Variants in NFKBID observed in about 807,000 individuals in gnomAD.
NFKBID encodes the protein NF-kappa-B inhibitor delta.
In NFKBID, 26 loss-of-function variants were observed where a neutral mutation model predicts 53.4. The ratio of observed to expected loss-of-function variants is 0.49; its 90% confidence interval spans 0.36 to 0.68. The LOEUF (loss-of-function observed/expected upper bound fraction) is 0.68, where lower values mean the gene tolerates loss of function less well. Ranked by LOEUF, NFKBID falls within the 30% of genes least tolerant of loss-of-function variation. The probability of loss-of-function intolerance (pLI) is 0.00; values close to 1 mark genes in which losing one functional copy is unlikely to be tolerated. For synonymous variants in NFKBID, 262 were observed against 259.8 expected (o/e 1.01, Z -0.08); for missense variants, 493 against 614.1 (o/e 0.80, Z 2.08).
chr19:35,897,784 T>C (rs1389695343), exon 4 of NFKBID: 1 of 1,605,310 alleles, frequency 6.2e-7, no homozygotes, highest in African/African-American at 1.3e-5. Flanking sequence ...CGTGTTGGGG[T>C]CCCAGTCTGG....
upstream of NFKBID, chr19:35,901,759 C>T (rs560765407): frequency 2.7e-4 from 46 of 170,422 alleles, no homozygotes; most frequent in East Asian, 5.2e-3. Context: ...TTTGTAGAGA[C>T]GGGGTTTCAC....
At chr19:35,901,854 G>C (rs1447046689), upstream of NFKBID, 1 of 341,676 alleles carries the variant, frequency 2.9e-6, no homozygotes, top group Non-Finnish European at 5.5e-6. Flanking sequence ...AGCCACTGCG[G>C]TGGCCTCTCC....
At chr19:35,888,236 C>T (rs978400594), downstream of NFKBID, 24 of 298,358 alleles carry the variant, frequency 8.0e-5, 1 homozygote, top group Admixed American at 2.5e-4. Context: ...TTTCTGGGAA[C>T]GAAGAGCTGA....
At chr19:35,891,728 G>C (rs1273109255) in intron 9 of NFKBID, among the ~76,000 whole-genome samples, 1 of 152,006 alleles carries the variant, frequency 6.6e-6, no homozygotes, top group Non-Finnish European at 1.5e-5. Context: ...TTAGCCAGGC[G>C]TGGTGGCACA....
At chr19:35,897,855 G>A (rs1190304409) in exon 4 of NFKBID, 1 of 1,542,988 alleles carries the variant, frequency 6.5e-7, no homozygotes, top group Non-Finnish European at 8.7e-7. Context: ...AGGGAGGGTG[G>A]CCTGCGTGTA....
rs1435461050 is a variant in NFKBID, at chr19:35,888,857, C to T, written c.1315-245G>A. Among the ~76,000 whole-genome samples, 7 of 152,084 alleles carry T rather than the reference C, an allele frequency of 4.6e-5. No individual in the cohort carries two copies. In the East Asian group the frequency reaches 1.3e-3, roughly 29 times the overall value. On this transcript the variant is annotated intron_variant, in intron 11 of 11. Coordinates refer to ENST00000641389, the Ensembl canonical transcript of NFKBID. Reference sequence around the variant, plus strand: ...GGTCAGGAGTTCAAGACCAGCCCAGCCAACATGGCGAAACCCCGCCTCTAC... The same window carrying T: ...GGTCAGGAGTTCAAGACCAGCCCAGTCAACATGGCGAAACCCCGCCTCTAC...
chr19:35,896,939 C>T lies in NFKBID; in HGVS notation c.552G>A (p.Leu184=), dbSNP rs1476869850. 11 of 1,606,992 alleles carry T rather than the reference C, an allele frequency of 6.8e-6. No homozygotes were observed. The South Asian group carries it at 8.8e-5, about 13-fold the overall frequency. ...TGTCCCCCTCCTCATCCTGGGCCAGCAGCTGCTGTGGCCCCAAAGCCAGCA... is the reference window on the plus strand; with the variant it reads ...TGTCCCCCTCCTCATCCTGGGCCAGTAGCTGCTGTGGCCCCAAAGCCAGCA... The change falls in exon 5 of 12, where the codon CTG becomes CTA. Residue 184 remains leucine (L), a synonymous_variant. Coordinates refer to ENST00000641389, the Ensembl canonical transcript of NFKBID. The surrounding 1 kb of genome is among the most constrained non-coding windows in gnomAD (Gnocchi z 5.7).
At chr19:35,897,940 C>T in intron 3 of NFKBID, 84 bp from the exon 4 acceptor site, 1 of 920,910 alleles carries the variant, frequency 1.1e-6, no homozygotes, top group Non-Finnish European at 1.7e-6. Flanking sequence ...CTGGCGTCTC[C>T]CAAGGTACTG....
At chr19:35,888,275 G>A (rs1053452363) in exon 12 of NFKBID, 16 of 401,842 alleles carry the variant, frequency 4.0e-5, no homozygotes, top group African/African-American at 3.1e-4. Context: ...AAAGATCTCA[G>A]TGGGGAAAGG....
chr19:35,898,410 G>C (rs944331535), intron 3 of NFKBID, 62 bp downstream of exon 3: 1 of 1,075,706 alleles, frequency 9.3e-7, no homozygotes, highest in Non-Finnish European at 1.4e-6. Context: ...AGTTCTGAGA[G>C]CTGCGATGTC....
At chr19:35,889,648 A>G (rs879407) in intron 11 of NFKBID, among the ~76,000 whole-genome samples, 25,181 of 152,028 alleles carry the variant, frequency 0.17, 4,906 homozygotes, top group African/African-American at 0.48. Context: ...TCAGGGTTGG[A>G]AGTACAGGTC....
At chr19:35,897,161 C>T in intron 4 of NFKBID, 103 bp from the exon 5 acceptor site, 1 of 1,203,836 alleles carries the variant, frequency 8.3e-7, no homozygotes, top group Non-Finnish European at 1.2e-6. Context: ...CATCCCAAGC[C>T]ACCACACACA....
At chr19:35,902,243 A>G (rs978462171), upstream of NFKBID, 13 of 703,500 alleles carry the variant, frequency 1.8e-5, no homozygotes, top group African/African-American at 1.7e-4. Flanking sequence ...TTCATGCCAG[A>G]AGGCTTGGCT....
chr19:35,895,958 GA>G, intron 9 of NFKBID, 21 bp downstream of exon 9: 1 of 1,604,350 alleles, frequency 6.2e-7, no homozygotes, highest in Non-Finnish European at 8.5e-7. Context: ...CCCAGGGTCT[GA>G]CCGCCCACAT....
At chr19:35,894,500 A>T (rs1194206646) in intron 9 of NFKBID, among the ~76,000 whole-genome samples, 1 of 151,876 alleles carries the variant, frequency 6.6e-6, no homozygotes, top group Non-Finnish European at 1.5e-5. Flanking sequence ...TGAGCTCAGG[A>T]GTTTGAGACC....
At chr19:35,890,480 C>T in exon 10 of NFKBID, 1 of 1,612,064 alleles carries the variant, frequency 6.2e-7, no homozygotes, top group Non-Finnish European at 8.5e-7. Flanking sequence ...TGTCTTGTTG[C>T]TCTTGATCTC....
intron 4 of NFKBID, 23 bp downstream of exon 4, chr19:35,897,628 C>T (rs1485802510): frequency 1.6e-6 from 2 of 1,267,712 alleles, no homozygotes; most frequent in African/African-American, 1.5e-5. Context: ...CCTTCAGCAT[C>T]CTGTACCCAC....
chr19:35,893,818 CAA>C (rs879299060), intron 9 of NFKBID, among the ~76,000 whole-genome samples: 6 of 86,442 alleles, frequency 6.9e-5, no homozygotes, highest in Admixed American at 1.3e-4. Context: ...AGAGCCATCT[CAA>C]AAAAAAAAAA....
At position 35,896,400 on chromosome 19, in the gene NFKBID, C is replaced by T. The variant is rs1374673489; in HGVS notation, c.823G>A (p.Val275Ile). 6.8e-6 allele frequency: 11 copies of T among 1,614,208 alleles called. No homozygotes were observed. The African/African-American group carries it at 9.3e-5, about 14-fold the overall frequency. The change falls in exon 7 of 12, where the codon GTT becomes ATT. Residue 275 changes from valine (V) to isoleucine (I), a missense_variant. Coordinates refer to ENST00000641389, the Ensembl canonical transcript of NFKBID. This position sits in a 1 kb window ranked among gnomAD's most constrained non-coding sequence, Gnocchi z 5.7. ...CTGCCAGCTGGCCATACCAAGAGAA[C>T]TCCTGGGAGCCCGTAGGTAGCGGCC...
Sources: allele counts gnomAD v4.1 joint callset (sites outside exome capture counted in the v4.1 genomes callset), GRCh38; gene constraint gnomAD v4.1.1; non-coding constraint Gnocchi (gnomAD v3.1); transcripts MANE v1.5; gene names NCBI Gene and HGNC (gene_info 2026-07-23, HGNC 2026-07-21).